GPC6: variants seen among roughly 807,000 people sequenced by gnomAD.
The protein encoded by GPC6 is glypican-6.
GPC6 carries 14 observed loss-of-function variants against 55.2 expected under a neutral mutation model. The observed-to-expected ratio is 0.25, with a 90% confidence interval of 0.17 to 0.40. GPC6 has a LOEUF of 0.40. GPC6 is among the 10% of genes least tolerant of loss of function. The pLI is 1.00. For synonymous variants in GPC6, 278 were observed against 259.6 expected (o/e 1.07, Z -0.68); for missense variants, 641 against 708.5 (o/e 0.90, Z 1.08).
At chr13:93,654,922 C>T (rs1366685669) in intron 2 of GPC6, among the ~76,000 whole-genome samples, 4 of 150,720 alleles carry the variant, frequency 2.7e-5, no homozygotes, top group Non-Finnish European at 5.9e-5. Flanking sequence ...CTGCAAGCTC[C>T]GCCTCCCGGG....
At chr13:93,920,680 T>A (rs1007554919) in intron 3 of GPC6, among the ~76,000 whole-genome samples, 1 of 152,200 alleles carries the variant, frequency 6.6e-6, no homozygotes, top group Admixed American at 6.5e-5. Flanking sequence ...TCTCACTTAC[T>A]AATCCTCCTT....
chr13:93,276,566 A>C (rs1877761535), intron 1 of GPC6, among the ~76,000 whole-genome samples: 1 of 146,016 alleles, frequency 6.8e-6, no homozygotes, highest in Non-Finnish European at 1.5e-5. Context: ...ATCCCTGTGA[A>C]TGGATGGAAG....
rs376285229 is a variant in GPC6, at chr13:93,389,039, A to G, written c.161-156224A>G. Among the ~76,000 whole-genome samples the G allele has an allele frequency of 2.6e-5, 4 of 152,292 alleles. No individual in the cohort carries two copies. The South Asian group carries it at 6.2e-4, about 24-fold the overall frequency. ...ATAAAACATCAGTATTAAGATATCTATTGAGCTGCAGTATTCTTACTTGGT... is the reference window on the plus strand; with the variant it reads ...ATAAAACATCAGTATTAAGATATCTGTTGAGCTGCAGTATTCTTACTTGGT... On this transcript the variant is annotated intron_variant, in intron 1 of 8. Coordinates refer to ENST00000377047, the MANE Select transcript of GPC6 (RefSeq NM_005708.5).
upstream of GPC6, among the ~76,000 whole-genome samples, chr13:93,224,760 A>G (rs1448859590): frequency 6.6e-6 from 1 of 152,198 alleles, no homozygotes; most frequent in East Asian, 1.9e-4. Context: ...ACACCACTGC[A>G]AACAGTGTGA....
intron 2 of GPC6, among the ~76,000 whole-genome samples, chr13:93,568,333 C>T (rs1876238838): frequency 6.6e-6 from 1 of 152,046 alleles, no homozygotes; most frequent in Non-Finnish European, 1.5e-5. Context: ...TTGTTATGTT[C>T]AGGCATGCTC....
chr13:93,974,245 G>T (rs1880419823), intron 3 of GPC6, among the ~76,000 whole-genome samples: 1 of 152,126 alleles, frequency 6.6e-6, no homozygotes, highest in African/African-American at 2.4e-5. Context: ...CGTAGGCATT[G>T]TTAGTTTCAT....
Position 93,417,404 on chromosome 13 carries a change from C to G in GPC6, c.161-127859C>G, listed in dbSNP as rs76783903. On this transcript the variant is annotated intron_variant, in intron 1 of 8. Coordinates refer to ENST00000377047, the MANE Select transcript of GPC6 (RefSeq NM_005708.5). Reference sequence around the variant, plus strand: ...CCAGTCTCTGGAGCACATCATGATACTGAACCAGTTTTTCATCACCAGTTT... The same window carrying G: ...CCAGTCTCTGGAGCACATCATGATAGTGAACCAGTTTTTCATCACCAGTTT... 4.1e-3 allele frequency among the ~76,000 whole-genome samples: 624 copies of G among 152,168 alleles called. 1 individual carries two copies. Among genetic ancestry groups the G allele is most frequent in the Non-Finnish European group, 6.4e-3 (433 of 67,992 alleles).
intron 2 of GPC6, among the ~76,000 whole-genome samples, chr13:93,621,930 ATTCTGCTATCAAACCTTAGATCTTAT>A (rs1407579365): frequency 6.6e-6 from 1 of 152,050 alleles, no homozygotes. Context: ...TTGTCACCCT[ATTCTGCTATCAAACCTTAGATCTTAT>A]TCCTTCTATC....
At chr13:94,146,922 TAACAG>T (rs1887580725) in intron 4 of GPC6, among the ~76,000 whole-genome samples, 1 of 152,210 alleles carries the variant, frequency 6.6e-6, no homozygotes, top group South Asian at 2.1e-4. Flanking sequence ...TTTCCACTGT[TAACAG>T]AAAAGCAATA....
chr13:93,367,472 C>T (rs1435711947), intron 1 of GPC6, among the ~76,000 whole-genome samples: 1 of 151,824 alleles, frequency 6.6e-6, no homozygotes, highest in African/African-American at 2.4e-5. Flanking sequence ...TTTTATTATG[C>T]CCTTTGTTTG....
At chr13:93,402,706 G>A (rs927231906) in intron 1 of GPC6, among the ~76,000 whole-genome samples, 3 of 152,158 alleles carry the variant, frequency 2.0e-5, no homozygotes, top group African/African-American at 7.2e-5. Context: ...TAAAATATGT[G>A]TGAGATGAGC....
intron 3 of GPC6, among the ~76,000 whole-genome samples, chr13:93,888,482 T>C (rs1594559492): frequency 6.6e-6 from 1 of 152,274 alleles, no homozygotes; most frequent in Non-Finnish European, 1.5e-5. Context: ...AAAACCAATA[T>C]TAACTTCTAC....
intron 2 of GPC6, among the ~76,000 whole-genome samples, chr13:93,553,241 T>C (rs1875253712): frequency 6.9e-6 from 1 of 145,810 alleles, no homozygotes; most frequent in Non-Finnish European, 1.5e-5. Context: ...AGTGTAAGAG[T>C]TCCTTTTTTT....
intron 4 of GPC6, among the ~76,000 whole-genome samples, chr13:94,225,587 C>A (rs923596932): frequency 1.3e-5 from 2 of 151,636 alleles, no homozygotes; most frequent in East Asian, 3.9e-4. Flanking sequence ...ATTTTGAAGA[C>A]CCCTTGTATA....
At chr13:94,142,152 G>C (rs146615938) in intron 4 of GPC6, among the ~76,000 whole-genome samples, 1 of 152,292 alleles carries the variant, frequency 6.6e-6, no homozygotes, top group East Asian at 1.9e-4. Context: ...CATGTGCCAT[G>C]TGAAGACGCA....
chr13:94,192,675 A>G (rs1024089695), intron 4 of GPC6, among the ~76,000 whole-genome samples: 5 of 152,224 alleles, frequency 3.3e-5, no homozygotes, highest in African/African-American at 4.8e-5. Context: ...AGCCTGCCTT[A>G]GCCATTATGA....
At chr13:93,890,207 G>A (rs919729470) in intron 3 of GPC6, among the ~76,000 whole-genome samples, 1 of 151,980 alleles carries the variant, frequency 6.6e-6, no homozygotes, top group East Asian at 1.9e-4. Context: ...ATTGTATTGC[G>A]CTGGAACTAA....
chr13:94,284,480 T>C (rs983896632), intron 4 of GPC6, among the ~76,000 whole-genome samples: 5 of 152,106 alleles, frequency 3.3e-5, no homozygotes, highest in Non-Finnish European at 5.9e-5. Flanking sequence ...TTTTTTCTAC[T>C]TTTAGACATC....
chr13:93,448,770 A>G (rs1878105060), intron 1 of GPC6, among the ~76,000 whole-genome samples: 1 of 152,218 alleles, frequency 6.6e-6, no homozygotes, highest in Non-Finnish European at 1.5e-5. Context: ...TGTCCCATCC[A>G]GTAATAAATG....
Sources: allele counts gnomAD v4.1 joint callset (sites outside exome capture counted in the v4.1 genomes callset), GRCh38; gene constraint gnomAD v4.1.1; transcripts MANE v1.5; gene names NCBI Gene and HGNC (gene_info 2026-07-23, HGNC 2026-07-21).